PALM2AKAP2: variants seen among roughly 807,000 people sequenced by gnomAD.
PALM2AKAP2 encodes the protein PALM2 and AKAP2 fusion, also known as PALM2-AKAP2 fusion protein.
Under a neutral mutation model 71.5 loss-of-function variants are expected in PALM2AKAP2, and 37 were observed. The ratio of observed to expected loss-of-function variants is 0.52; its 90% CI spans 0.40 to 0.68. PALM2AKAP2 has a LOEUF of 0.68. Ranked by LOEUF, PALM2AKAP2 falls within the 30% of genes least tolerant of loss-of-function variation. The pLI is 0.00. For synonymous variants in PALM2AKAP2, 468 were observed against 478.8 expected (o/e 0.98, Z 0.29); for missense variants, 1,224 against 1,191.8 (o/e 1.03, Z -0.40).
intron 1 of PALM2AKAP2, among the ~76,000 whole-genome samples, chr9:109,822,273 A>G (rs1828028840): frequency 2.4e-5 from 1 of 40,926 alleles, no homozygotes; most frequent in Admixed American, 2.0e-4. Flanking sequence ...CCATCTATCC[A>G]TCCATCCATC....
intron 6 of PALM2AKAP2, among the ~76,000 whole-genome samples, chr9:110,001,176 G>C (rs1332995182): frequency 4.6e-5 from 7 of 152,164 alleles, no homozygotes; most frequent in Non-Finnish European, 2.9e-5. Flanking sequence ...AATCCATCTT[G>C]AATAAATTTT....
chr9:110,094,377 C>G (rs558579914), intron 1 of PALM2AKAP2, among the ~76,000 whole-genome samples: 8 of 152,174 alleles, frequency 5.3e-5, no homozygotes, highest in African/African-American at 1.7e-4. Flanking sequence ...ACTTGAGGCT[C>G]TCTGTATTAG....
At chr9:110,143,741 G>C (rs914293605) in intron 2 of PALM2AKAP2, among the ~76,000 whole-genome samples, 2 of 152,186 alleles carry the variant, frequency 1.3e-5, no homozygotes, top group African/African-American at 4.8e-5. Context: ...TTTCATGCCA[G>C]ATGTTGAATT....
intron 1 of PALM2AKAP2, among the ~76,000 whole-genome samples, chr9:110,055,559 C>G (rs1041745996): frequency 1.3e-5 from 2 of 152,148 alleles, no homozygotes; most frequent in African/African-American, 4.8e-5. Flanking sequence ...TCTACGCTTA[C>G]GACCTAATCA....
chr9:110,064,089 G>A (rs1301400584), intron 1 of PALM2AKAP2, among the ~76,000 whole-genome samples: 1 of 152,146 alleles, frequency 6.6e-6, no homozygotes, highest in East Asian at 1.9e-4. Flanking sequence ...GGGGTAAGGA[G>A]CTTTTCTAGA....
intron 1 of PALM2AKAP2, among the ~76,000 whole-genome samples, chr9:109,662,707 C>T (rs1827417883): frequency 1.3e-5 from 2 of 152,124 alleles, no homozygotes; most frequent in Admixed American, 1.3e-4. Flanking sequence ...AGGAGTCCCT[C>T]TTTTTCTATT....
chr9:109,814,786 G>T (rs1399582298), intron 1 of PALM2AKAP2, among the ~76,000 whole-genome samples: 1 of 152,202 alleles, frequency 6.6e-6, no homozygotes, highest in Non-Finnish European at 1.5e-5. Context: ...CTATATCATT[G>T]CATAAGCAGT....
intron 5 of PALM2AKAP2, among the ~76,000 whole-genome samples, chr9:109,929,464 A>G (rs1245953987): frequency 6.6e-6 from 1 of 152,066 alleles, no homozygotes; most frequent in Non-Finnish European, 1.5e-5. Flanking sequence ...CCTCAGGACT[A>G]CTGACCTCAA....
At chr9:109,665,916 C>A (rs1478695453) in intron 1 of PALM2AKAP2, among the ~76,000 whole-genome samples, 1 of 152,202 alleles carries the variant, frequency 6.6e-6, no homozygotes, top group Non-Finnish European at 1.5e-5. Context: ...CCTCCCCCAG[C>A]CAGGCTGCTG....
At chr9:110,152,257 T>G (rs796222935) in intron 2 of PALM2AKAP2, among the ~76,000 whole-genome samples, 17 of 151,770 alleles carry the variant, frequency 1.1e-4, no homozygotes, top group African/African-American at 3.6e-4. Context: ...AAAAAAGTGT[T>G]CTATAGAGTG....
At chr9:109,774,651 A>G (rs76185788) in intron 1 of PALM2AKAP2, among the ~76,000 whole-genome samples, 4,704 of 151,894 alleles carry the variant, frequency 0.031, 89 homozygotes, top group Non-Finnish European at 0.035. Context: ...AAGAATACCG[A>G]TAGCTCAACC....
At chr9:110,122,156 A>G (rs867082769) in intron 1 of PALM2AKAP2, among the ~76,000 whole-genome samples, 86 of 152,098 alleles carry the variant, frequency 5.7e-4, no homozygotes, top group African/African-American at 2.0e-3. Flanking sequence ...TCAGCCTCCC[A>G]AGTAGCTGTA....
At chr9:110,052,138 G>A (rs908708946) in intron 1 of PALM2AKAP2, among the ~76,000 whole-genome samples, 3 of 152,116 alleles carry the variant, frequency 2.0e-5, no homozygotes, top group Admixed American at 6.5e-5. Flanking sequence ...TCCTGACCTC[G>A]TGATCTGCCC....
At chr9:109,768,036 A>AGGCAGGTTGGTAGG (rs879480476) in intron 1 of PALM2AKAP2, among the ~76,000 whole-genome samples, 3 of 112,674 alleles carry the variant, frequency 2.7e-5, no homozygotes, top group African/African-American at 1.3e-4. Flanking sequence ...AAGGAAAGAA[A>AGGCAGGTTGGTAGG]AAGAGGGAAG....
intron 1 of PALM2AKAP2, among the ~76,000 whole-genome samples, chr9:109,724,745 T>A (rs1437388903): frequency 6.6e-6 from 1 of 152,210 alleles, no homozygotes; most frequent in Non-Finnish European, 1.5e-5. Context: ...TTATGCTACA[T>A]GCCTATGGTT....
chr9:110,019,970 TA>T (rs1833044832), intron 7 of PALM2AKAP2, among the ~76,000 whole-genome samples: 1 of 152,148 alleles, frequency 6.6e-6, no homozygotes. Flanking sequence ...TAAAAAGAAT[TA>T]TTTTTTTTCT....
intron 2 of PALM2AKAP2, among the ~76,000 whole-genome samples, chr9:109,875,303 G>T (rs187225022): frequency 1.3e-5 from 2 of 152,222 alleles, no homozygotes; most frequent in African/African-American, 2.4e-5. Flanking sequence ...GTCCTCCCCT[G>T]GTCCCTCTTT....
intron 1 of PALM2AKAP2, among the ~76,000 whole-genome samples, chr9:109,837,535 C>T (rs1030954227): frequency 5.3e-5 from 8 of 152,190 alleles, no homozygotes; most frequent in Non-Finnish European, 1.0e-4. Context: ...ATAATATTAA[C>T]CTTAAATGTA....
At chr9:110,074,800 C>T (rs1309205231) in intron 1 of PALM2AKAP2, among the ~76,000 whole-genome samples, 3 of 151,946 alleles carry the variant, frequency 2.0e-5, no homozygotes, top group South Asian at 4.2e-4. Flanking sequence ...GTCAAGAGTT[C>T]GAGACCAGCC....
Sources: allele counts gnomAD v4.1 joint callset (sites outside exome capture counted in the v4.1 genomes callset), GRCh38; gene constraint gnomAD v4.1.1; transcripts MANE v1.5; gene names NCBI Gene and HGNC (gene_info 2026-07-23, HGNC 2026-07-21).